Variants in RTL4 observed in about 807,000 individuals in gnomAD.
The protein encoded by RTL4 is retrotransposon Gag like 4.
RTL4 carries 4 observed loss-of-function variants against 5.3 expected under a neutral mutation model. That is an observed-to-expected ratio of 0.75 (90% CI 0.37 to 1.72). RTL4 has a LOEUF of 1.72. Ranked by LOEUF, RTL4 falls within the 40% of genes most tolerant of loss-of-function variation. RTL4 has a pLI of 0.04. For missense variants in RTL4, 260 were observed against 227.1 expected (o/e 1.14, Z -0.93); for synonymous variants, 98 against 87.3 (o/e 1.12, Z -0.68).
chrX:112,232,672 T>G, the RTL4 span, among the ~76,000 whole-genome samples: 1 of 112,280 alleles, frequency 8.9e-6, no homozygotes, highest in South Asian at 3.7e-4. Flanking sequence ...ACTTTAGTTT[T>G]TTAACTTTCC....
the RTL4 span, among the ~76,000 whole-genome samples, chrX:112,162,151 T>C: frequency 3.7e-4 from 41 of 110,078 alleles, no homozygotes; most frequent in African/African-American, 1.3e-3. Flanking sequence ...TGGTATATGA[T>C]CTGTGGAAAA....
exon 1 of RTL4, chrX:112,455,278 T>C: frequency 8.3e-7 from 1 of 1,211,369 alleles, no homozygotes; most frequent in Non-Finnish European, 1.1e-6. Flanking sequence ...GAGTGGTCAG[T>C]TCGAAAAGGC....
the RTL4 span, among the ~76,000 whole-genome samples, chrX:112,395,913 G>A: frequency 2.7e-5 from 3 of 110,971 alleles, no homozygotes; most frequent in Non-Finnish European, 1.9e-5. Context: ...GGTTGAGATT[G>A]GTGAGGGATA....
the RTL4 span, among the ~76,000 whole-genome samples, chrX:112,434,739 G>T: frequency 9.0e-6 from 1 of 111,680 alleles, no homozygotes. Flanking sequence ...AGTAAAGCTT[G>T]GAATTTTAGA....
chrX:112,352,041 G>A, the RTL4 span, among the ~76,000 whole-genome samples: 1 of 111,124 alleles, frequency 9.0e-6, no homozygotes, highest in East Asian at 2.9e-4. Context: ...TTTCCTTCAG[G>A]AGCTCTTTTA....
chrX:112,209,571 C>T, the RTL4 span, among the ~76,000 whole-genome samples: 1 of 111,614 alleles, frequency 9.0e-6, no homozygotes, highest in Non-Finnish European at 1.9e-5. Context: ...ATGAGGCCAT[C>T]GTTGCAGGCT....
chrX:112,434,654 T>C, the RTL4 span, among the ~76,000 whole-genome samples: 2 of 111,635 alleles, frequency 1.8e-5, no homozygotes, highest in Non-Finnish European at 3.8e-5. Flanking sequence ...TAGCGGTCTA[T>C]CAATTTTGTT....
chrX:112,176,874 C>T, the RTL4 span, among the ~76,000 whole-genome samples: 7 of 111,120 alleles, frequency 6.3e-5, no homozygotes, highest in South Asian at 2.7e-3. Context: ...CTACTTGCTA[C>T]CTCCATGAGA....
At chrX:112,172,946 G>A in the RTL4 span, among the ~76,000 whole-genome samples, 5 of 105,245 alleles carry the variant, frequency 4.8e-5, no homozygotes, top group African/African-American at 1.7e-4. Flanking sequence ...ATAAGTGGGA[G>A]CTGAGCAATG....
the RTL4 span, among the ~76,000 whole-genome samples, chrX:112,137,749 G>C: frequency 0.041 from 4,556 of 111,488 alleles, 224 homozygotes; most frequent in African/African-American, 0.14. Flanking sequence ...AAGATAACAA[G>C]TGTTAGCAAG....
the RTL4 span, among the ~76,000 whole-genome samples, chrX:112,159,896 T>A: frequency 2.7e-5 from 3 of 111,107 alleles, no homozygotes; most frequent in Non-Finnish European, 5.7e-5. Context: ...TTCTCATGCC[T>A]ATATAAATAC....
At chrX:112,248,981 C>A in the RTL4 span, among the ~76,000 whole-genome samples, 1 of 112,306 alleles carries the variant, frequency 8.9e-6, no homozygotes, top group South Asian at 3.7e-4. Context: ...CTGGCACAGG[C>A]CTCCTTTTAA....
the RTL4 span, among the ~76,000 whole-genome samples, chrX:112,299,837 T>A: frequency 9.0e-6 from 1 of 111,717 alleles, no homozygotes; most frequent in African/African-American, 3.2e-5. Context: ...AAGTTACTTA[T>A]CATAAATATA....
At chrX:112,393,220 C>G in the RTL4 span, among the ~76,000 whole-genome samples, 24 of 97,819 alleles carry the variant, frequency 2.5e-4, no homozygotes, top group East Asian at 6.0e-3. Context: ...TGTCACGAGG[C>G]TGGAGTGCAG....
chrX:112,326,065 G>A, the RTL4 span, among the ~76,000 whole-genome samples: 12 of 112,008 alleles, frequency 1.1e-4, no homozygotes, highest in East Asian at 8.4e-4. Context: ...ATCACTGGCC[G>A]TCAGAGAAAT....
chrX:112,242,004 G>T, the RTL4 span, among the ~76,000 whole-genome samples: 1 of 111,669 alleles, frequency 9.0e-6, no homozygotes, highest in Non-Finnish European at 1.9e-5. Flanking sequence ...TCAGATGGTT[G>T]TAGATGTGTG....
chrX:112,326,209 A>T, the RTL4 span, among the ~76,000 whole-genome samples: 1 of 111,798 alleles, frequency 8.9e-6, no homozygotes, highest in African/African-American at 3.3e-5. Flanking sequence ...GCGACACAGA[A>T]GATGGGTGAT....
the RTL4 span, among the ~76,000 whole-genome samples, chrX:112,368,201 A>G: frequency 9.0e-6 from 1 of 111,728 alleles, no homozygotes; most frequent in Non-Finnish European, 1.9e-5. Flanking sequence ...TTAGTGATCC[A>G]GGTGAAAGAA....
the RTL4 span, among the ~76,000 whole-genome samples, chrX:112,410,895 ATAAAAT>A: frequency 2.7e-5 from 3 of 112,010 alleles, no homozygotes; most frequent in African/African-American, 9.7e-5. Flanking sequence ...GCAGAAATAA[ATAAAAT>A]TAAAACACAG....
Sources: allele counts gnomAD v4.1 joint callset (sites outside exome capture counted in the v4.1 genomes callset), GRCh38; gene constraint gnomAD v4.1.1; transcripts MANE v1.5; gene names NCBI Gene and HGNC (gene_info 2026-07-23, HGNC 2026-07-21).